Variants in ADAT2 observed in about 807,000 individuals in gnomAD.
ADAT2 encodes tRNA-specific adenosine-34 deaminase catalytic subunit ADAT2.
Under a neutral mutation model 25.9 loss-of-function variants are expected in ADAT2, and 26 were observed. The observed-to-expected ratio is 1.00, with a 90% confidence interval of 0.74 to 1.39. The LOEUF is 1.39. Among genes scored for constraint, ADAT2 ranks in the 40% most tolerant of loss-of-function variants. The probability of loss-of-function intolerance (pLI) is 0.00; values close to 1 mark genes in which losing one functional copy is unlikely to be tolerated. For missense variants in ADAT2, 220 were observed against 244.8 expected (o/e 0.90, Z 0.68); for synonymous variants, 76 against 86.8 (o/e 0.88, Z 0.69).
chr6:143,450,399 G>T (rs1011411260), intron 1 of ADAT2, among the ~76,000 whole-genome samples, 164 bp downstream of exon 1: 9 of 152,154 alleles, frequency 5.9e-5, no homozygotes, highest in African/African-American at 2.2e-4. Flanking sequence ...CTGTGAGAAT[G>T]GGCTACAGAA....
intron 1 of ADAT2, among the ~76,000 whole-genome samples, chr6:143,439,600 G>C (rs1356486235): frequency 6.6e-6 from 1 of 152,154 alleles, no homozygotes; most frequent in Admixed American, 6.5e-5. Flanking sequence ...CATACTATAT[G>C]ATTCCTTTTG....
chr6:143,427,706 T>C lies in ADAT2; in HGVS notation c.*757A>G, dbSNP rs1778980259. On this transcript the variant is annotated 3_prime_UTR_variant, in exon 6 of 6. Coordinates refer to ENST00000237283, the MANE Select transcript of ADAT2 (RefSeq NM_182503.3). ...CCAATAAACTGTGTAATCTATCATA[T>C]CCATCTCCCCTTGCTAGAATATAAG... 1 of 152,210 alleles carries C rather than the reference T, an allele frequency of 6.6e-6. No individual in the cohort carries two copies. Among genetic ancestry groups the C allele is most frequent in the Non-Finnish European group, 1.5e-5 (1 of 68,040 alleles). The allele number at this position is 152,210 out of a possible 1,614,324, so 9.4% of individuals were successfully genotyped here. A position where few individuals can be genotyped will look rare whatever the true frequency, so the allele number is the denominator to read the frequency against.
At position 143,450,645 on chromosome 6, in the gene ADAT2, G is replaced by C. The variant is rs377111027; in HGVS notation, c.14C>G (p.Ala5Gly). The stretch of plus-strand genomic sequence containing the variant: ...GCCGCTTGCAGCTGGCTTGGGTGCC[G>C]CCTTCGCCTCCATACCCAGCCACCA... MEAK[A>G]APKPAASGAC... Residue 5 changes from alanine (A) to glycine (G), a missense_variant, in exon 1 of 6, where the codon GCG becomes GGG. Transcript: ENST00000237283. 4 of 1,613,364 alleles carry C rather than the reference G, an allele frequency of 2.5e-6. No individual in the cohort carries two copies. Among genetic ancestry groups the C allele is most frequent in the Non-Finnish European group, 3.4e-6 (4 of 1,180,038 alleles).
At position 143,432,209 on chromosome 6, in the gene ADAT2, G is replaced by C. The variant is rs904380171; in HGVS notation, c.459+296C>G. ...CATTGAATAAAAACTCCAACAGCGA[G>C]AGTGTCTTCAGGCATACCTAACGGT... On this transcript the variant is annotated intron_variant, in intron 4 of 5. Coordinates refer to ENST00000237283, the MANE Select transcript of ADAT2 (RefSeq NM_182503.3). The surrounding 1 kb of genome is among the most constrained non-coding windows in gnomAD (Gnocchi z 4.4). Among the ~76,000 whole-genome samples the C allele has an allele frequency of 2.0e-5, 3 of 151,896 alleles. No homozygotes were observed. Among genetic ancestry groups the C allele is most frequent in the African/African-American group, 7.3e-5 (3 of 41,282 alleles).
At chr6:143,435,209 C>T (rs966696406) in intron 2 of ADAT2, among the ~76,000 whole-genome samples, 1 of 141,520 alleles carries the variant, frequency 7.1e-6, no homozygotes, top group African/African-American at 2.6e-5. Context: ...TTCAAAAAAT[C>T]AGATTTAGAA....
Position 143,427,628 on chromosome 6 carries a change from T to C in ADAT2, c.*835A>G, listed in dbSNP as rs996912681. ...AGCATTCTCACCACCAAATGGCACCTATCCCCTTTACCCTGTGTTCCTTTT... is the reference window on the plus strand; with the variant it reads ...AGCATTCTCACCACCAAATGGCACCCATCCCCTTTACCCTGTGTTCCTTTT... On this transcript the variant is annotated 3_prime_UTR_variant, in exon 6 of 6. Coordinates refer to ENST00000237283, the MANE Select transcript of ADAT2 (RefSeq NM_182503.3). 3.9e-5 allele frequency: 6 copies of C among 152,244 alleles called. No homozygotes were observed. The highest frequency in any genetic ancestry group is 8.8e-5 in the Non-Finnish European group (6 of 68,040). 9.4% of individuals were successfully genotyped at this position (152,244 alleles called of 1,614,324 possible). A position where few individuals can be genotyped will look rare whatever the true frequency, so the allele number is the denominator to read the frequency against.
At position 143,437,431 on chromosome 6, in the gene ADAT2, C is replaced by T. The variant is rs1194057034; in HGVS notation, c.201+1159G>A. On this transcript the variant is annotated intron_variant, in intron 2 of 5. Transcript: ENST00000237283. This position sits in a 1 kb window ranked among gnomAD's most constrained non-coding sequence, Gnocchi z 4.1. ...CATTTTCCTCTGTTCCTTTTATTTT[C>T]ACTTCCCTTGTAATATTAGTCTCTC... Among the ~76,000 whole-genome samples, 2 of 152,094 alleles carry T rather than the reference C, an allele frequency of 1.3e-5. No individual in the cohort carries two copies. The highest frequency in any genetic ancestry group is 2.9e-5 in the Non-Finnish European group (2 of 68,010).
In ADAT2 at chr6:143,444,791, A is replaced by G. The variant is rs1446814168; in HGVS notation, c.96+5772T>C. The G allele has an allele frequency of 2.0e-5, 8 of 399,574 alleles. No homozygotes were observed. Among genetic ancestry groups the G allele is most frequent in the Non-Finnish European group, 2.3e-5 (6 of 259,880 alleles). The allele number at this position is 399,574 out of a possible 1,614,324, so 24.8% of individuals were successfully genotyped here. On this transcript the variant is annotated intron_variant, in intron 1 of 5. Coordinates refer to ENST00000237283, the MANE Select transcript of ADAT2 (RefSeq NM_182503.3). This position sits in a 1 kb window ranked among gnomAD's most constrained non-coding sequence, Gnocchi z 4.3. The stretch of plus-strand genomic sequence containing the variant: ...TATAATTTCTTTTTTTTCTCTAGTC[A>G]GGGCCTGCCCAGATACAGATAATGA...
chr6:143,449,554 A>G (rs187839564), intron 1 of ADAT2, among the ~76,000 whole-genome samples: 6 of 152,282 alleles, frequency 3.9e-5, no homozygotes, highest in African/African-American at 1.2e-4. Flanking sequence ...CTTAAAGGAA[A>G]AAAAGTACTT....
chr6:143,435,514 G>T (rs760853293), intron 2 of ADAT2, among the ~76,000 whole-genome samples: 1 of 147,002 alleles, frequency 6.8e-6, no homozygotes, highest in Non-Finnish European at 1.5e-5. Flanking sequence ...TCAGCATATA[G>T]AAGAAACCCC....
chr6:143,426,597 T>C lies in ADAT2; in HGVS notation c.*1866A>G, dbSNP rs1392606083. 1 of 152,232 alleles carries C rather than the reference T, an allele frequency of 6.6e-6. No homozygotes were observed. The highest frequency in any genetic ancestry group is 1.5e-5 in the Non-Finnish European group (1 of 68,038). The allele number at this position is 152,232 out of a possible 1,614,324, so 9.4% of individuals were successfully genotyped here. Reference sequence around the variant, plus strand: ...GCAAAGACGGAACATATGTATATTGTTAAGTCTTTTCTATCCTTCCCTGTC... The same window carrying C: ...GCAAAGACGGAACATATGTATATTGCTAAGTCTTTTCTATCCTTCCCTGTC... On this transcript the variant is annotated 3_prime_UTR_variant, in exon 6 of 6. Transcript: ENST00000237283. The surrounding 1 kb of genome is among the most constrained non-coding windows in gnomAD (Gnocchi z 4.1).
Position 143,433,840 on chromosome 6 carries a change from G to A in ADAT2, c.343C>T (p.Arg115Cys), listed in dbSNP as rs754464421. ...TGAAGTCAAAGGATACTCATCAGGC[G>A]GAGAGCAGCTGCACACATAATGCAC... ...EPCIMCAAAL[R>C]LMKIPLVVYG... The change falls in exon 3 of 6, where the codon CGC (arginine) becomes TGC (cysteine). Residue 115 changes from arginine to cysteine, a missense_variant. Arg to Cys is a radical substitution (Grantham distance 180). Transcript: ENST00000237283. The A allele has an allele frequency of 4.2e-5, 67 of 1,613,630 alleles. No homozygotes were observed. Among genetic ancestry groups the A allele is most frequent in the Middle Eastern group, 3.3e-4 (2 of 6,084 alleles).
Position 143,446,433 on chromosome 6 carries a change from A to T in ADAT2, c.96+4130T>A, listed in dbSNP as rs1051442202. 6.6e-6 allele frequency among the ~76,000 whole-genome samples: 1 copy of T among 152,198 alleles called. No homozygotes were observed. The highest frequency in any genetic ancestry group is 2.1e-4 in the South Asian group (1 of 4,828). ...TTATAAACAAGTAAAGAACTTCTCT[A>T]TATAAATATTTATATTGCTTCTTTG... On this transcript the variant is annotated intron_variant, in intron 1 of 5. Coordinates refer to ENST00000237283, the MANE Select transcript of ADAT2 (RefSeq NM_182503.3). This position sits in a 1 kb window ranked among gnomAD's most constrained non-coding sequence, Gnocchi z 5.0.
rs145992547 is a variant in ADAT2, at chr6:143,431,729, G to A, written c.459+776C>T. Among the ~76,000 whole-genome samples, 84 of 152,308 alleles carry A rather than the reference G, an allele frequency of 5.5e-4. 1 individual carries two copies. In the East Asian group the frequency reaches 0.012, roughly 22 times the overall value. On this transcript the variant is annotated intron_variant, in intron 4 of 5. Transcript: ENST00000237283. ...TCTAGGAACCCCTGAGGTTTTTGAA[G>A]TGAACTGCCCAGCCATATCCAGCAT...
chr6:143,428,405 A>G lies in ADAT2; in HGVS notation c.*58T>C. The G allele has an allele frequency of 6.5e-7, 1 of 1,546,100 alleles. No individual in the cohort carries two copies. Among genetic ancestry groups the G allele is most frequent in the Non-Finnish European group, 8.9e-7 (1 of 1,128,934 alleles). On this transcript the variant is annotated 3_prime_UTR_variant, in exon 6 of 6. Transcript: ENST00000237283. The surrounding 1 kb of genome is among the most constrained non-coding windows in gnomAD (Gnocchi z 5.0). ...TGATTCAACGATGTCAACAGCTTTCAGTCTATGAATCTTGTCCAGGTCACT... is the reference window on the plus strand; with the variant it reads ...TGATTCAACGATGTCAACAGCTTTCGGTCTATGAATCTTGTCCAGGTCACT...
chr6:143,430,422 G>A (rs965886171), intron 4 of ADAT2, among the ~76,000 whole-genome samples: 7 of 152,096 alleles, frequency 4.6e-5, no homozygotes, highest in Non-Finnish European at 1.0e-4. Context: ...TGATTCTAAC[G>A]GGCAGTCCGG....
rs150581015 is a variant in ADAT2 at position 143,447,016 on chromosome 6, C to T, written c.96+3547G>A. Reference sequence around the variant, plus strand: ...ATTAAAATGATAACCTATGATGATGCTATGCTTAGCTCTCAGAAAGAAACC... The same window carrying T: ...ATTAAAATGATAACCTATGATGATGTTATGCTTAGCTCTCAGAAAGAAACC... On this transcript the variant is annotated intron_variant, in intron 1 of 5. Coordinates refer to ENST00000237283, the MANE Select transcript of ADAT2 (RefSeq NM_182503.3). Among the ~76,000 whole-genome samples the T allele has an allele frequency of 2.0e-3, 298 of 152,234 alleles. 2 individuals carry two copies. The highest frequency in any genetic ancestry group is 6.4e-3 in the African/African-American group (266 of 41,538).
intron 1 of ADAT2, among the ~76,000 whole-genome samples, chr6:143,443,236 A>C (rs374442458): frequency 6.6e-6 from 1 of 152,038 alleles, no homozygotes. Flanking sequence ...CCACTTATTC[A>C]TTTGTTCAAC....
intron 1 of ADAT2, among the ~76,000 whole-genome samples, chr6:143,445,314 A>T (rs1384303775): frequency 6.6e-6 from 1 of 151,934 alleles, no homozygotes; most frequent in Non-Finnish European, 1.5e-5. Context: ...ACACTGATGA[A>T]AGTTATGGAC....
Sources: gnomAD v4.1 joint callset for allele counts (sites outside exome capture counted in the v4.1 genomes callset) on GRCh38, gnomAD v4.1.1 for gene constraint, Gnocchi (gnomAD v3.1) non-coding constraint, MANE v1.5 for transcripts, NCBI Gene and HGNC (gene_info 2026-07-23, HGNC 2026-07-21) for gene names.